PHLDB3: variants seen among roughly 807,000 people sequenced by gnomAD.
The protein encoded by PHLDB3 is pleckstrin homology like domain family B member 3, also known as pleckstrin homology-like domain family B member 3.
In PHLDB3, 86 loss-of-function variants were observed where a neutral mutation model predicts 85.7. The observed-to-expected ratio is 1.00, with a 90% confidence interval of 0.84 to 1.20. The LOEUF is 1.20. Ranked by LOEUF, PHLDB3 falls within the 50% of genes most tolerant of loss-of-function variation. PHLDB3 has a pLI of 0.00. For missense variants in PHLDB3, 995 were observed against 873.0 expected (o/e 1.14, Z -1.76); for synonymous variants, 376 against 349.8 (o/e 1.07, Z -0.83).
At chr19:43,487,410 A>G (rs1599942804) in intron 9 of PHLDB3, among the ~76,000 whole-genome samples, 1 of 151,804 alleles carries the variant, frequency 6.6e-6, no homozygotes, top group African/African-American at 2.4e-5. Context: ...CCCCATCTCT[A>G]CTAAAAATAC....
chr19:43,487,179 T>G (rs1375842320), intron 9 of PHLDB3, 56 bp from the exon 10 acceptor site: 25 of 1,438,954 alleles, frequency 1.7e-5, no homozygotes, highest in Non-Finnish European at 2.0e-5. Context: ...CCAACCTAAG[T>G]CAGAGCACTG....
chr19:43,501,172 T>A, intron 4 of PHLDB3, among the ~76,000 whole-genome samples: 1 of 136,406 alleles, frequency 7.3e-6, no homozygotes, highest in East Asian at 2.2e-4. Context: ...GTTTTCTTTT[T>A]CTCTTTTTTT....
intron 9 of PHLDB3, among the ~76,000 whole-genome samples, chr19:43,488,628 C>T (rs1971240153): frequency 6.6e-6 from 1 of 151,934 alleles, no homozygotes; most frequent in South Asian, 2.1e-4. Flanking sequence ...CCATGGAGCC[C>T]CAATTCCAAT....
At position 43,502,245 on chromosome 19, in the gene PHLDB3, A is replaced by T. The variant is rs1218919008; in HGVS notation, c.252T>A (p.Pro84=). The T allele has an allele frequency of 6.4e-7, 1 of 1,563,934 alleles. No homozygotes were observed. Among genetic ancestry groups the T allele is most frequent in the Admixed American group, 1.9e-5 (1 of 52,758 alleles). ...CTTCCCGCGAAGAGGTGGATGCGGGAGGTGTGGCCGCCATAGCTATCGGAG... is the reference window on the plus strand; with the variant it reads ...CTTCCCGCGAAGAGGTGGATGCGGGTGGTGTGGCCGCCATAGCTATCGGAG... ...ATPPIAMAAT[P]PASTSSREGV... Residue 84 remains proline, a synonymous_variant, in exon 3 of 16, where the codon CCT becomes CCA. Transcript: ENST00000292140.
rs992000963 is a variant in PHLDB3 at position 43,491,956 on chromosome 19, T to G, written c.1149+2746A>C. ...CACTGCACCTGGCCGTTTTTTTTTTTTTGTTTTTTTTTTTTTTGAGACAGA... is the reference window on the plus strand; with the variant it reads ...CACTGCACCTGGCCGTTTTTTTTTTGTTGTTTTTTTTTTTTTTGAGACAGA... On this transcript the variant is annotated intron_variant, in intron 9 of 15. Transcript: ENST00000292140. Among the ~76,000 whole-genome samples, 260 of 142,236 alleles carry G rather than the reference T, an allele frequency of 1.8e-3. 1 individual carries two copies. The highest frequency in any genetic ancestry group is 4.2e-3 in the Middle Eastern group (1 of 236). 93.3% of individuals were successfully genotyped at this position (142,236 alleles called of 152,430 possible). A position where few individuals can be genotyped will look rare whatever the true frequency, so the allele number is the denominator to read the frequency against.
rs559866317 is a variant in PHLDB3, at chr19:43,485,401, C to T, written c.1485+865G>A. On this transcript the variant is annotated intron_variant, in intron 13 of 15. Transcript: ENST00000292140. ...TAATTTTTTGTATTTTTAGTAGAGA[C>T]GGGGTTTCACCATCTTGGCCAGGCT... 3.0e-3 allele frequency among the ~76,000 whole-genome samples: 449 copies of T among 149,806 alleles called. 1 individual carries two copies. Among genetic ancestry groups the T allele is most frequent in the Non-Finnish European group, 5.6e-3 (376 of 67,448 alleles).
In PHLDB3 at chr19:43,494,809, A is replaced by ACAG. The variant is rs1440786724; in HGVS notation, c.1039_1041dup (p.Leu347dup). 6.2e-7 allele frequency: 1 copy of ACAG among 1,610,730 alleles called. No individual in the cohort carries two copies. The highest frequency in any genetic ancestry group is 8.5e-7 in the Non-Finnish European group (1 of 1,178,738). On this transcript the variant is annotated inframe_insertion, in exon 9 of 16. Transcript: ENST00000292140. ...AGCTGGCGGTCTGTCTTCTGGGTGA[A>ACAG]CAGCAGCTGCAAGAGATGGGGTGAA...
chr19:43,486,312 C>G lies in PHLDB3; in HGVS notation c.1439G>C (p.Arg480Thr). ...ERLLKAREGTRRGTEGSSGPA... is the reference protein window; with the variant it reads ...ERLLKAREGTTRGTEGSSGPA... ...GCCTGAGGAACCTTCCGTGCCCCTT[C>G]TTGTTCCTTCCTGTGGATTCAGGAT... The change falls in exon 13 of 16, where the codon AGA becomes ACA. Residue 480 changes from arginine to threonine, a missense_variant. Arg to Thr is a moderately conservative substitution (Grantham distance 71). Coordinates refer to ENST00000292140, the MANE Select transcript of PHLDB3 (RefSeq NM_198850.4). The G allele has an allele frequency of 1.2e-6, 2 of 1,607,210 alleles. No individual in the cohort carries two copies. The highest frequency in any genetic ancestry group is 1.7e-6 in the Non-Finnish European group (2 of 1,177,296).
At position 43,501,808 on chromosome 19, in the gene PHLDB3, C is replaced by T. The variant is rs763457226; in HGVS notation, c.460G>A (p.Glu154Lys). 2.5e-6 allele frequency: 4 copies of T among 1,588,156 alleles called. No individual in the cohort carries two copies. Among genetic ancestry groups the T allele is most frequent in the East Asian group, 2.3e-5 (1 of 43,244 alleles). Reference protein sequence around the residue: ...LAGERVAARREEEQLRELLEQ... With the variant: ...LAGERVAARRKEEQLRELLEQ... The stretch of plus-strand genomic sequence containing the variant: ...AGCAGCTCCCGCAGCTGCTCCTCCT[C>T]CCGGCGAGCGGCCACTCGCTCCCCA... Residue 154 changes from glutamate to lysine, a missense_variant, in exon 4 of 16, where the codon GAG becomes AAG. Physicochemically the swap from Glu to Lys is moderately conservative, Grantham distance 56. Coordinates refer to ENST00000292140, the MANE Select transcript of PHLDB3 (RefSeq NM_198850.4).
chr19:43,504,316 A>T, intron 1 of PHLDB3, 184 bp from the exon 2 acceptor site: 1 of 621,002 alleles, frequency 1.6e-6, no homozygotes, highest in East Asian at 2.9e-5. Context: ...GATGGCTCCA[A>T]GGCGACACGC....
chr19:43,488,785 T>G (rs541445267), intron 9 of PHLDB3, among the ~76,000 whole-genome samples: 1 of 152,044 alleles, frequency 6.6e-6, no homozygotes, highest in Admixed American at 6.6e-5. Context: ...GAACCATGGC[T>G]TATGCACTCC....
chr19:43,480,143 T>G (rs1211626325), intron 13 of PHLDB3, among the ~76,000 whole-genome samples: 1 of 150,676 alleles, frequency 6.6e-6, no homozygotes, highest in East Asian at 2.0e-4. Flanking sequence ...AAATGAAGAT[T>G]GGAGCCTGTG....
chr19:43,501,727 A>G lies in PHLDB3; in HGVS notation c.534+7T>C, dbSNP rs201991650. On this transcript the variant is annotated splice_region_variant and intron_variant, in intron 4 of 15. Coordinates refer to ENST00000292140, the MANE Select transcript of PHLDB3 (RefSeq NM_198850.4). ...CTGCTGATGAAGACCCGGTGAGCCAAACAGACCTGTTCCCGCTGCTGGCGG... is the reference window on the plus strand; with the variant it reads ...CTGCTGATGAAGACCCGGTGAGCCAGACAGACCTGTTCCCGCTGCTGGCGG... 9.5e-7 allele frequency: 1 copy of G among 1,053,764 alleles called. No homozygotes were observed. Among genetic ancestry groups the G allele is most frequent in the African/African-American group, 1.9e-5 (1 of 51,824 alleles). 65.3% of individuals were successfully genotyped at this position (1,053,764 alleles called of 1,614,324 possible). A position where few individuals can be genotyped will look rare whatever the true frequency, so the allele number is the denominator to read the frequency against.
intron 2 of PHLDB3, among the ~76,000 whole-genome samples, chr19:43,503,280 G>GTCTCTCTCTCTCTCTCTC (rs57901463): frequency 2.2e-4 from 31 of 141,994 alleles, no homozygotes; most frequent in East Asian, 8.4e-4. Flanking sequence ...TGTCTATCTG[G>GTCTCTCTCTCTCTCTCTC]TCTCTCTCTC....
chr19:43,504,025 A>T lies in PHLDB3; in HGVS notation c.94T>A (p.Ser32Thr), dbSNP rs1385588246. 9 of 1,612,624 alleles carry T rather than the reference A, an allele frequency of 5.6e-6. No individual in the cohort carries two copies. The highest frequency in any genetic ancestry group is 7.6e-6 in the Non-Finnish European group (9 of 1,179,504). ...EVQPQGHPEE[S>T]REQEASEVLA... ...ACTTCGGATGCCTCCTGTTCCCGGG[A>T]CTCCTCGGGATGGCCCTGGGGCTGG... The change falls in exon 2 of 16, where the codon TCC becomes ACC. Residue 32 changes from serine (S) to threonine (T), a missense_variant. Transcript: ENST00000292140.
chr19:43,475,241 C>G lies in PHLDB3; in HGVS notation c.*169G>C. ...CCGTCGGGGGCAAGGCACCTGCAAC[C>G]CAGAACGCAGCAGCTCAGGCCAGCT... On this transcript the variant is annotated 3_prime_UTR_variant, in exon 16 of 16. Coordinates refer to ENST00000292140, the MANE Select transcript of PHLDB3 (RefSeq NM_198850.4). 2 of 965,692 alleles carry G rather than the reference C, an allele frequency of 2.1e-6. No homozygotes were observed. Among genetic ancestry groups the G allele is most frequent in the Non-Finnish European group, 3.0e-6 (2 of 673,096 alleles). The allele number at this position is 965,692 out of a possible 1,614,324, so 59.8% of individuals were successfully genotyped here. A position where few individuals can be genotyped will look rare whatever the true frequency, so the allele number is the denominator to read the frequency against.
intron 5 of PHLDB3, 125 bp from the exon 6 acceptor site, chr19:43,497,404 G>A: frequency 1.2e-6 from 1 of 832,382 alleles, no homozygotes; most frequent in Non-Finnish European, 1.7e-6. Flanking sequence ...CTGGGTCCTG[G>A]GGAGGAGGGG....
intron 13 of PHLDB3, among the ~76,000 whole-genome samples, chr19:43,484,565 A>T (rs1169176517): frequency 6.6e-6 from 1 of 152,156 alleles, no homozygotes; most frequent in East Asian, 1.9e-4. Context: ...CAAAAAAAAT[A>T]AATGGGTGTG....
At chr19:43,494,320 C>T (rs978068356) in intron 9 of PHLDB3, among the ~76,000 whole-genome samples, 5 of 152,032 alleles carry the variant, frequency 3.3e-5, no homozygotes, top group Non-Finnish European at 7.4e-5. Flanking sequence ...CCTGTTTTAA[C>T]TATAAATGAG....
Sources: allele counts gnomAD v4.1 joint callset (sites outside exome capture counted in the v4.1 genomes callset), GRCh38; gene constraint gnomAD v4.1.1; transcripts MANE v1.5; gene names NCBI Gene and HGNC (gene_info 2026-07-23, HGNC 2026-07-21).